The following RORA variants were observed in gnomAD, a reference collection of about 807,000 sequenced individuals.
The protein encoded by RORA is RAR related orphan receptor A, also known as nuclear receptor ROR-alpha.
Under a neutral mutation model 69.5 loss-of-function variants are expected in RORA, and 7 were observed. The ratio of observed to expected loss-of-function variants is 0.10; its 90% CI spans 0.06 to 0.19. The LOEUF (loss-of-function observed/expected upper bound fraction) is 0.19. Ranked by LOEUF, RORA falls within the 10% of genes least tolerant of loss-of-function variation. The probability of loss-of-function intolerance (pLI) is 1.00; values close to 1 mark genes in which losing one functional copy is unlikely to be tolerated. For missense variants in RORA, 457 were observed against 663.0 expected (o/e 0.69, Z 3.41); for synonymous variants, 261 against 240.8 (o/e 1.08, Z -0.78).
intron 1 of RORA, among the ~76,000 whole-genome samples, chr15:61,069,977 G>A (rs1261313819): frequency 6.6e-6 from 1 of 152,104 alleles, no homozygotes; most frequent in Admixed American, 6.6e-5. Context: ...CTCCTTTCTG[G>A]AGAAAACACC....
intron 1 of RORA, among the ~76,000 whole-genome samples, chr15:60,956,202 C>T (rs192528766): frequency 2.0e-4 from 30 of 152,070 alleles, no homozygotes; most frequent in Admixed American, 1.8e-3. Context: ...TCAATAAACA[C>T]TTGTTCAAAC....
At chr15:60,925,916 G>A (rs1892204771) in intron 1 of RORA, among the ~76,000 whole-genome samples, 1 of 152,196 alleles carries the variant, frequency 6.6e-6, no homozygotes, top group African/African-American at 2.4e-5. Context: ...GAAACACAAC[G>A]GTTGGTGGGA....
At chr15:60,589,688 C>G (rs28453678) in intron 2 of RORA, among the ~76,000 whole-genome samples, 13 of 152,170 alleles carry the variant, frequency 8.5e-5, no homozygotes, top group Non-Finnish European at 1.5e-4. Flanking sequence ...GAGCATGAAA[C>G]TAAGCCTAAA....
chr15:60,810,505 C>T (rs898462541), intron 1 of RORA, among the ~76,000 whole-genome samples: 44 of 151,986 alleles, frequency 2.9e-4, no homozygotes, highest in Admixed American at 1.3e-3. Flanking sequence ...GGGAAATTTT[C>T]CTGAATCACC....
intron 1 of RORA, among the ~76,000 whole-genome samples, chr15:61,146,266 T>TA (rs985192264): frequency 2.5e-4 from 38 of 152,300 alleles, no homozygotes; most frequent in African/African-American, 9.1e-4. Context: ...GACCCTTCAA[T>TA]AGAAATTGCT....
At position 60,511,515 on chromosome 15, in the gene RORA, T is replaced by G. The variant is rs374043964; in HGVS notation, c.531A>C (p.Gly177=). ...QQQRDHQQQP[G]EAEPLTPTYN... ...AGGTGGGCGTCAGCGGCTCAGCCTCTCCAGGCTGCTGCTGGTGGTCGCGCT... is the reference window on the plus strand; with the variant it reads ...AGGTGGGCGTCAGCGGCTCAGCCTCGCCAGGCTGCTGCTGGTGGTCGCGCT... The change falls in exon 5 of 11, where the codon GGA becomes GGC. Residue 177 remains glycine (G), a synonymous_variant. Transcript: ENST00000335670. The surrounding 1 kb of genome is among the most constrained non-coding windows in gnomAD (Gnocchi z 6.4). 2 of 1,614,194 alleles carry G rather than the reference T, an allele frequency of 1.2e-6. No homozygotes were observed. The highest frequency in any genetic ancestry group is 1.7e-6 in the Non-Finnish European group (2 of 1,180,022).
intron 1 of RORA, among the ~76,000 whole-genome samples, chr15:61,204,768 A>G (rs1245791365): frequency 1.3e-5 from 2 of 152,190 alleles, no homozygotes; most frequent in African/African-American, 4.8e-5. Context: ...TTCCACCCAA[A>G]AAGTATGCGC....
Position 61,130,194 on chromosome 15 carries a change from T to G in RORA, c.166+98859A>C, listed in dbSNP as rs73432736. On this transcript the variant is annotated intron_variant, in intron 1 of 10. Transcript: ENST00000335670. ...TAATATATTAGTTATAATATTAGCA[T>G]AATAATTTACTGGTTATTTCATCTA... Among the ~76,000 whole-genome samples, 989 of 152,338 alleles carry G rather than the reference T, an allele frequency of 6.5e-3. 13 individuals carry two copies. The highest frequency in any genetic ancestry group is 0.023 in the African/African-American group (950 of 41,576).
At chr15:61,207,985 CT>C (rs1343293139) in intron 1 of RORA, among the ~76,000 whole-genome samples, 11 of 152,232 alleles carry the variant, frequency 7.2e-5, no homozygotes, top group African/African-American at 2.7e-4. Flanking sequence ...ACCCAGCCAG[CT>C]CAATCTACTG....
chr15:60,786,939 AT>A (rs2072343095), intron 1 of RORA, among the ~76,000 whole-genome samples: 1 of 152,206 alleles, frequency 6.6e-6, no homozygotes, highest in East Asian at 1.9e-4. Context: ...AGTGAGAACC[AT>A]GGCTTTTCTC....
At chr15:60,519,135 C>CA (rs1295887609) in intron 3 of RORA, among the ~76,000 whole-genome samples, 1 of 152,058 alleles carries the variant, frequency 6.6e-6, no homozygotes, top group African/African-American at 2.4e-5. Context: ...TTCGCAGTTT[C>CA]AGGCATCCCC....
chr15:60,614,627 G>A (rs1200871582), intron 2 of RORA, among the ~76,000 whole-genome samples: 2 of 152,128 alleles, frequency 1.3e-5, no homozygotes, highest in Non-Finnish European at 2.9e-5. Flanking sequence ...CCCTTTGTGG[G>A]GAGGGGGCAG....
At chr15:60,923,827 C>T (rs1194899398) in intron 1 of RORA, among the ~76,000 whole-genome samples, 1 of 152,182 alleles carries the variant, frequency 6.6e-6, no homozygotes, top group Admixed American at 6.5e-5. Context: ...TCCCCTCTAA[C>T]TCACCATAGG....
chr15:61,133,310 C>T (rs1210940006), intron 1 of RORA, among the ~76,000 whole-genome samples: 1 of 152,116 alleles, frequency 6.6e-6, no homozygotes, highest in South Asian at 2.1e-4. Flanking sequence ...AGCCTTGTAA[C>T]CATGGAATAG....
intron 1 of RORA, among the ~76,000 whole-genome samples, chr15:60,683,308 GCCA>G (rs1411882151): frequency 2.3e-5 from 1 of 43,558 alleles, no homozygotes; most frequent in Non-Finnish European, 5.4e-5. Flanking sequence ...ACCTTGCCCA[GCCA>G]ACATGATTTC....
chr15:61,128,204 C>CGTGTGT lies in RORA; in HGVS notation c.166+100843_166+100848dup, dbSNP rs71125904. On this transcript the variant is annotated intron_variant, in intron 1 of 10. Coordinates refer to ENST00000335670, the MANE Select transcript of RORA (RefSeq NM_134261.3). The surrounding 1 kb of genome is among the most constrained non-coding windows in gnomAD (Gnocchi z 4.5). Reference sequence around the variant, plus strand: ...TAATTGCTGTGTGTGTGTATGCACACGTGTGTGTGTGTGTGTGTGTCTGTG... The same window carrying CGTGTGT: ...TAATTGCTGTGTGTGTGTATGCACACGTGTGTGTGTGTGTGTGTGTGTGTGTCTGTG... 6.7e-6 allele frequency among the ~76,000 whole-genome samples: 1 copy of CGTGTGT among 150,026 alleles called. No homozygotes were observed. Among genetic ancestry groups the CGTGTGT allele is most frequent in the Non-Finnish European group, 1.5e-5 (1 of 67,402 alleles).
At chr15:60,717,663 C>A (rs932502356) in intron 1 of RORA, among the ~76,000 whole-genome samples, 1 of 152,000 alleles carries the variant, frequency 6.6e-6, no homozygotes, top group African/African-American at 2.4e-5. Context: ...CTATTATGTG[C>A]CAGACAATAA....
At chr15:61,139,023 A>G (rs1327612388) in intron 1 of RORA, among the ~76,000 whole-genome samples, 1 of 151,986 alleles carries the variant, frequency 6.6e-6, no homozygotes, top group Non-Finnish European at 1.5e-5. Flanking sequence ...GGGCGCCTGT[A>G]GTCCCAGGTA....
chr15:60,876,978 A>G (rs2073624260), intron 1 of RORA, among the ~76,000 whole-genome samples: 1 of 152,204 alleles, frequency 6.6e-6, no homozygotes, highest in African/African-American at 2.4e-5. Flanking sequence ...GAAGAGGGAG[A>G]GGATCAGGAA....
Sources: gnomAD v4.1 joint callset for allele counts (sites outside exome capture counted in the v4.1 genomes callset) on GRCh38, gnomAD v4.1.1 for gene constraint, Gnocchi (gnomAD v3.1) non-coding constraint, MANE v1.5 for transcripts, NCBI Gene and HGNC (gene_info 2026-07-23, HGNC 2026-07-21) for gene names.